Variants in SYNRG observed in about 807,000 individuals in gnomAD.
SYNRG encodes AP1 gamma subunit binding protein 1.
SYNRG carries 37 observed loss-of-function variants against 130.9 expected under a neutral mutation model. The ratio of observed to expected loss-of-function variants is 0.28; its 90% CI spans 0.22 to 0.37. The LOEUF (loss-of-function observed/expected upper bound fraction) is 0.37, where lower values mean the gene tolerates loss of function less well. SYNRG is among the 10% of genes least tolerant of loss of function. The probability of loss-of-function intolerance (pLI) is 1.00; values close to 1 mark genes in which losing one functional copy is unlikely to be tolerated. For missense variants in SYNRG, 1,338 were observed against 1,588.9 expected (o/e 0.84, Z 2.68); for synonymous variants, 539 against 568.1 (o/e 0.95, Z 0.73).
At chr17:37,549,059 T>C (rs1377708045) in intron 14 of SYNRG, among the ~76,000 whole-genome samples, 1 of 146,326 alleles carries the variant, frequency 6.8e-6, no homozygotes, top group Non-Finnish European at 1.5e-5. Context: ...CACTTGAACC[T>C]GGGAGACAGA....
At chr17:37,523,075 A>G (rs1304347873) in intron 19 of SYNRG, among the ~76,000 whole-genome samples, 2 of 152,214 alleles carry the variant, frequency 1.3e-5, no homozygotes, top group African/African-American at 4.8e-5. Context: ...AAGCTAGACA[A>G]GAGTAAAATT....
At chr17:37,588,235 ACATTGAGGATT>A (rs2061849005) in intron 3 of SYNRG, among the ~76,000 whole-genome samples, 1 of 151,532 alleles carries the variant, frequency 6.6e-6, no homozygotes, top group Admixed American at 6.6e-5. Flanking sequence ...GGAGAGAAAA[ACATTGAGGATT>A]CACTTTAAAT....
At chr17:37,586,169 T>G (rs1422341407) in intron 4 of SYNRG, among the ~76,000 whole-genome samples, 1 of 152,096 alleles carries the variant, frequency 6.6e-6, no homozygotes, top group Non-Finnish European at 1.5e-5. Flanking sequence ...ATATTTTGTA[T>G]TTTTTGTAGA....
intron 1 of SYNRG, among the ~76,000 whole-genome samples, chr17:37,602,486 C>G (rs547115142): frequency 6.6e-6 from 1 of 152,240 alleles, no homozygotes; most frequent in East Asian, 1.9e-4. Context: ...GTGCTTATAA[C>G]TGAGAGTTAT....
At chr17:37,588,695 T>C (rs2061894503) in intron 3 of SYNRG, among the ~76,000 whole-genome samples, 1 of 152,206 alleles carries the variant, frequency 6.6e-6, no homozygotes, top group Admixed American at 6.5e-5. Context: ...AATCATAGTA[T>C]TGATCTCTTG....
chr17:37,592,260 C>T (rs1485438722), intron 3 of SYNRG, among the ~76,000 whole-genome samples: 2 of 152,094 alleles, frequency 1.3e-5, no homozygotes, highest in African/African-American at 4.8e-5. Flanking sequence ...TTACAACGTA[C>T]CTGTGAGAAT....
intron 15 of SYNRG, 138 bp downstream of exon 15, chr17:37,541,834 C>T: frequency 3.7e-6 from 3 of 820,470 alleles, no homozygotes; most frequent in Non-Finnish European, 5.7e-6. Flanking sequence ...TTATAGCTAT[C>T]TGTAATTGAC....
chr17:37,588,705 G>C (rs1453608747), intron 3 of SYNRG, among the ~76,000 whole-genome samples: 3 of 150,486 alleles, frequency 2.0e-5, no homozygotes, highest in Non-Finnish European at 4.4e-5. Flanking sequence ...TTGATCTCTT[G>C]CTGCTAAAAA....
intron 8 of SYNRG, 69 bp downstream of exon 8, chr17:37,576,272 T>C: frequency 6.7e-7 from 1 of 1,482,794 alleles, no homozygotes; most frequent in Non-Finnish European, 9.3e-7. Context: ...AGTAAATATT[T>C]ACAACTACAT....
chr17:37,570,963 A>G, intron 9 of SYNRG, 78 bp from the exon 10 acceptor site: 1 of 1,500,766 alleles, frequency 6.7e-7, no homozygotes. Context: ...CCGAAAGGTA[A>G]AAAAATCTGT....
rs780074660 is a variant in SYNRG, at chr17:37,577,351, G to GT, written c.823+28dup. On this transcript the variant is annotated intron_variant, in intron 7 of 21. Transcript: ENST00000612223. The stretch of plus-strand genomic sequence containing the variant: ...ATTTGAGCAACATTTGGTTAAACAA[G>GT]TTTTTTGCTGAATGCTTCACGAGCT... The GT allele has an allele frequency of 6.2e-6, 10 of 1,603,260 alleles. No homozygotes were observed. The African/African-American group carries it at 1.2e-4, about 19-fold the overall frequency.
chr17:37,554,937 ATTGT>A (rs1292643333), intron 13 of SYNRG, among the ~76,000 whole-genome samples: 1 of 152,110 alleles, frequency 6.6e-6, no homozygotes, highest in African/African-American at 2.4e-5. Flanking sequence ...AACTGACGGA[ATTGT>A]TTATTTATTT....
At chr17:37,522,830 G>A (rs573626444) in intron 19 of SYNRG, among the ~76,000 whole-genome samples, 96 of 151,988 alleles carry the variant, frequency 6.3e-4, no homozygotes, top group Admixed American at 2.4e-3. Context: ...GAGTAGAGAC[G>A]GGGTTTCACC....
intron 14 of SYNRG, among the ~76,000 whole-genome samples, chr17:37,542,907 G>T (rs985596611): frequency 4.6e-5 from 7 of 152,144 alleles, no homozygotes; most frequent in Non-Finnish European, 8.8e-5. Flanking sequence ...ACTTAAAAAT[G>T]TACTGATATT....
At chr17:37,543,243 T>G (rs1361008060) in intron 14 of SYNRG, among the ~76,000 whole-genome samples, 3 of 152,142 alleles carry the variant, frequency 2.0e-5, no homozygotes, top group Admixed American at 1.3e-4. Flanking sequence ...ACTTTAGCCC[T>G]TAAAAAAATA....
At chr17:37,602,107 A>T (rs2063339784) in intron 1 of SYNRG, among the ~76,000 whole-genome samples, 1 of 151,948 alleles carries the variant, frequency 6.6e-6, no homozygotes, top group Admixed American at 6.6e-5. Flanking sequence ...AGGCCAAGGT[A>T]GGTGGATCAC....
chr17:37,562,320 T>A (rs753955667), intron 11 of SYNRG, among the ~76,000 whole-genome samples: 2 of 152,188 alleles, frequency 1.3e-5, no homozygotes, highest in African/African-American at 4.8e-5. Flanking sequence ...GATGGAAAAA[T>A]AGCGTAATGA....
rs1440148956 is a variant in SYNRG at position 37,568,907 on chromosome 17, T to C, written c.1365A>G (p.Glu455=). The C allele has an allele frequency of 9.9e-6, 16 of 1,613,660 alleles. No individual in the cohort carries two copies. The highest frequency in any genetic ancestry group is 1.4e-5 in the Non-Finnish European group (16 of 1,179,630). ...YPANQVVKPE[E]DDFQDFQDAS... ...CATCTTGAAAATCCTGGAAGTCATC[T>C]TCTTCTGGCTTTACTACCTAGGTTT... Residue 455 remains glutamate (E), a synonymous_variant, in exon 11 of 22, where the codon GAA becomes GAG. Transcript: ENST00000612223.
intron 3 of SYNRG, among the ~76,000 whole-genome samples, chr17:37,590,124 T>C (rs1283244608): frequency 1.3e-5 from 2 of 150,944 alleles, no homozygotes; most frequent in African/African-American, 2.4e-5. Context: ...TGAGCTGAGA[T>C]TGCGCCACAT....
Sources: allele counts gnomAD v4.1 joint callset (sites outside exome capture counted in the v4.1 genomes callset), GRCh38; gene constraint gnomAD v4.1.1; transcripts MANE v1.5; gene names NCBI Gene and HGNC (gene_info 2026-07-23, HGNC 2026-07-21).